Variants in CTNNA3 observed in about 807,000 individuals in gnomAD.
CTNNA3 encodes the protein catenin alpha 3.
Under a neutral mutation model 95.7 loss-of-function variants are expected in CTNNA3, and 76 were observed. The observed-to-expected ratio is 0.79, with a 90% CI of 0.66 to 0.96. The LOEUF (loss-of-function observed/expected upper bound fraction) is 0.96. CTNNA3 is among the 40% of genes least tolerant of loss of function. The pLI, the probability that CTNNA3 is intolerant of heterozygous loss-of-function variation, is 0.00. For missense variants in CTNNA3, 1,191 were observed against 1,089.8 expected, an observed-to-expected ratio of 1.09 and a Z score of -1.31; for synonymous variants, 431 against 374.4, an observed-to-expected ratio of 1.15 and a Z score of -1.74.
At chr10:66,708,499 T>C (rs984838876) in intron 9 of CTNNA3, among the ~76,000 whole-genome samples, 10 of 152,010 alleles carry the variant, frequency 6.6e-5, no homozygotes, top group Admixed American at 2.0e-4. Context: ...CCTAGAAGTC[T>C]CATTTTGTCT....
At chr10:66,761,408 A>T (rs1003251634) in intron 9 of CTNNA3, among the ~76,000 whole-genome samples, 2 of 152,178 alleles carry the variant, frequency 1.3e-5, no homozygotes, top group African/African-American at 4.8e-5. Flanking sequence ...CTTTCCACAT[A>T]GAGAAAATTC....
At chr10:66,338,698 G>C (rs977508587) in intron 12 of CTNNA3, among the ~76,000 whole-genome samples, 10 of 151,820 alleles carry the variant, frequency 6.6e-5, no homozygotes, top group Non-Finnish European at 1.2e-4. Context: ...AGGGAGGCAG[G>C]TTGTTAACTG....
chr10:67,262,829 C>A (rs1866673608), intron 5 of CTNNA3, among the ~76,000 whole-genome samples: 1 of 151,992 alleles, frequency 6.6e-6, no homozygotes, highest in East Asian at 1.9e-4. Flanking sequence ...TGCAAAATAA[C>A]ACAAAGGGGA....
chr10:66,092,512 CT>C (rs1564634556), intron 14 of CTNNA3, among the ~76,000 whole-genome samples: 1 of 151,922 alleles, frequency 6.6e-6, no homozygotes. Flanking sequence ...ACATTTTCTT[CT>C]CAGAACTTCT....
chr10:66,902,412 C>G lies in CTNNA3; in HGVS notation c.1048-126888G>C, dbSNP rs1242447277. Among the ~76,000 whole-genome samples, 5 of 152,156 alleles carry G rather than the reference C, an allele frequency of 3.3e-5. No individual in the cohort carries two copies. The East Asian group carries it at 9.6e-4, about 29-fold the overall frequency. On this transcript the variant is annotated intron_variant, in intron 7 of 17. Coordinates refer to ENST00000433211, the MANE Select transcript of CTNNA3 (RefSeq NM_013266.4). ...AGATGGAAATTTATAGCACTAAATG[C>G]CCACAAGAGAAAGCAAGAAAGATAC...
chr10:67,114,690 C>T (rs1048244994), intron 7 of CTNNA3, among the ~76,000 whole-genome samples: 13 of 129,930 alleles, frequency 1.0e-4, no homozygotes, highest in Non-Finnish European at 2.1e-4. Flanking sequence ...AATAAATCAC[C>T]ATAGTGATGG....
intron 11 of CTNNA3, among the ~76,000 whole-genome samples, chr10:66,387,924 A>T (rs1331063240): frequency 1.3e-5 from 2 of 152,096 alleles, no homozygotes; most frequent in Non-Finnish European, 2.9e-5. Context: ...GGTGGGGAAC[A>T]TCACACACTG....
At chr10:67,548,432 A>G (rs554786263) in intron 3 of CTNNA3, among the ~76,000 whole-genome samples, 3 of 152,314 alleles carry the variant, frequency 2.0e-5, no homozygotes, top group South Asian at 4.1e-4. Context: ...GGCTCTTTCA[A>G]AGAAATTCAC....
chr10:66,423,291 G>C (rs1212363672), intron 11 of CTNNA3, among the ~76,000 whole-genome samples: 1 of 152,034 alleles, frequency 6.6e-6, no homozygotes, highest in Non-Finnish European at 1.5e-5. Flanking sequence ...GACTGCTGTG[G>C]ATGTTAAAAT....
rs146925085 is a variant in CTNNA3 at position 67,020,845 on chromosome 10, T to A, written c.1047+159472A>T. On this transcript the variant is annotated intron_variant, in intron 7 of 17. Coordinates refer to ENST00000433211, the MANE Select transcript of CTNNA3 (RefSeq NM_013266.4). ...AGGGTTGGAACAGAGGGGCTTCAGA[T>A]GAAGAGATGAGAGTGACTAATGCAT... 1.4e-3 allele frequency among the ~76,000 whole-genome samples: 207 copies of A among 152,228 alleles called. 1 individual carries two copies. The Middle Eastern group carries it at 0.031, about 23-fold the overall frequency.
chr10:67,560,949 A>G (rs1382482917), intron 3 of CTNNA3, among the ~76,000 whole-genome samples: 1 of 152,164 alleles, frequency 6.6e-6, no homozygotes, highest in Non-Finnish European at 1.5e-5. Flanking sequence ...TATCCTAAAT[A>G]TATATGCACC....
At chr10:66,661,467 T>C (rs894490094) in intron 9 of CTNNA3, among the ~76,000 whole-genome samples, 3 of 152,240 alleles carry the variant, frequency 2.0e-5, no homozygotes, top group Middle Eastern at 3.4e-3. Context: ...AAGCTGAGAT[T>C]TTGGTGAGGA....
At chr10:66,692,247 C>T (rs946173369) in intron 9 of CTNNA3, among the ~76,000 whole-genome samples, 9 of 152,058 alleles carry the variant, frequency 5.9e-5, no homozygotes, top group African/African-American at 2.2e-4. Flanking sequence ...ACCACAAGAA[C>T]CAATAAAGAG....
intron 11 of CTNNA3, among the ~76,000 whole-genome samples, chr10:66,471,182 C>G (rs907307263): frequency 6.6e-6 from 1 of 151,680 alleles, no homozygotes; most frequent in African/African-American, 2.4e-5. Context: ...ATTATAAAGT[C>G]AATTAAAAAT....
At chr10:66,469,984 G>C (rs1839068177) in intron 11 of CTNNA3, among the ~76,000 whole-genome samples, 1 of 151,814 alleles carries the variant, frequency 6.6e-6, no homozygotes, top group African/African-American at 2.4e-5. Flanking sequence ...AGGAAATTTT[G>C]TTTAAGTGAG....
At chr10:65,962,719 C>G (rs1054060549) in intron 17 of CTNNA3, among the ~76,000 whole-genome samples, 6 of 151,134 alleles carry the variant, frequency 4.0e-5, no homozygotes, top group African/African-American at 9.8e-5. Context: ...CCCCCACCCC[C>G]CGACAGGCCC....
At chr10:67,628,105 A>T (rs1295388627) in intron 2 of CTNNA3, among the ~76,000 whole-genome samples, 1 of 151,506 alleles carries the variant, frequency 6.6e-6, no homozygotes, top group Non-Finnish European at 1.5e-5. Flanking sequence ...AAATTTATTT[A>T]AAATTTACTA....
intron 7 of CTNNA3, among the ~76,000 whole-genome samples, chr10:66,942,128 A>G (rs917336443): frequency 6.6e-6 from 1 of 152,178 alleles, no homozygotes; most frequent in Non-Finnish European, 1.5e-5. Flanking sequence ...GAGATAACAT[A>G]TGTTTGCAGG....
intron 13 of CTNNA3, among the ~76,000 whole-genome samples, chr10:66,109,214 GA>G (rs2082025152): frequency 6.6e-6 from 1 of 152,194 alleles, no homozygotes. Flanking sequence ...TGGGACAATG[GA>G]TGTCTCATTG....
Sources: allele counts gnomAD v4.1 joint callset (sites outside exome capture counted in the v4.1 genomes callset), GRCh38; gene constraint gnomAD v4.1.1; transcripts MANE v1.5; gene names NCBI Gene and HGNC (gene_info 2026-07-23, HGNC 2026-07-21).